IL1RAPL1: variants seen among roughly 807,000 people sequenced by gnomAD.
The protein encoded by IL1RAPL1 is interleukin 1 receptor accessory protein like 1.
A neutral mutation model predicts 48.4 loss-of-function variants in IL1RAPL1; 3 were observed. That is an observed-to-expected ratio of 0.06 (90% CI 0.03 to 0.16). The LOEUF is 0.16. Among genes scored for constraint, IL1RAPL1 ranks in the 10% least tolerant of loss-of-function variants. IL1RAPL1 has a pLI of 1.00. For missense variants in IL1RAPL1, 349 were observed against 530.6 expected (o/e 0.66, Z 3.36); for synonymous variants, 185 against 187.7 (o/e 0.99, Z 0.12).
chrX:29,693,236 C>T (rs924769100), intron 6 of IL1RAPL1, among the ~76,000 whole-genome samples: 2 of 112,264 alleles, frequency 1.8e-5, no homozygotes, highest in African/African-American at 6.5e-5. Flanking sequence ...ATTCACTGAG[C>T]CCTTCTGGAG....
At chrX:28,660,498 G>A (rs1601850244) in intron 1 of IL1RAPL1, among the ~76,000 whole-genome samples, 1 of 111,549 alleles carries the variant, frequency 9.0e-6, no homozygotes, top group East Asian at 2.8e-4. Flanking sequence ...TGAATTATTA[G>A]ATATAGGATA....
At chrX:29,003,906 C>G (rs1045115279) in intron 2 of IL1RAPL1, among the ~76,000 whole-genome samples, 1 of 112,051 alleles carries the variant, frequency 8.9e-6, no homozygotes, top group Non-Finnish European at 1.9e-5. Context: ...CTTTGGGCAG[C>G]CAAGGCAGCT....
chrX:29,546,603 G>A (rs1049106204), intron 5 of IL1RAPL1, among the ~76,000 whole-genome samples: 2 of 111,408 alleles, frequency 1.8e-5, no homozygotes, highest in African/African-American at 6.5e-5. Context: ...AATTCTTCCT[G>A]TCATTTTTCC....
rs865929725 is a variant in IL1RAPL1, at chrX:29,484,021, A to C, written c.703+84713A>C. Among the ~76,000 whole-genome samples the C allele has an allele frequency of 4.1e-3, 444 of 109,513 alleles. 3 individuals carry two copies. The highest frequency in any genetic ancestry group is 0.014 in the African/African-American group (415 of 30,053). On this transcript the variant is annotated intron_variant, in intron 5 of 10. Coordinates refer to ENST00000378993, the MANE Select transcript of IL1RAPL1 (RefSeq NM_014271.4). The stretch of plus-strand genomic sequence containing the variant: ...TAGTCCATTAAAAAAAAAAAAAAAA[A>C]AAAACTCATTGAGCACCTACTTTGT...
At chrX:29,106,653 C>T (rs1261387252) in intron 2 of IL1RAPL1, among the ~76,000 whole-genome samples, 1 of 110,934 alleles carries the variant, frequency 9.0e-6, no homozygotes, top group African/African-American at 3.3e-5. Flanking sequence ...ATGTATGTGG[C>T]ATGATGTTGT....
intron 1 of IL1RAPL1, among the ~76,000 whole-genome samples, chrX:28,600,859 T>A (rs1290062553): frequency 8.9e-6 from 1 of 112,080 alleles, no homozygotes; most frequent in Non-Finnish European, 1.9e-5. Flanking sequence ...CACTATTCAC[T>A]TTTATATTAT....
At chrX:29,574,433 A>G (rs1029151660) in intron 5 of IL1RAPL1, 1 of 109,837 alleles carries the variant, frequency 9.1e-6, no homozygotes, top group African/African-American at 3.3e-5. Context: ...ATGGCAAAAT[A>G]CAAGTATCCC....
intron 3 of IL1RAPL1, among the ~76,000 whole-genome samples, chrX:29,332,939 T>C (rs1276925875): frequency 1.9e-4 from 21 of 110,159 alleles, no homozygotes; most frequent in African/African-American, 6.5e-4. Flanking sequence ...ACACAGCACA[T>C]GTTTCAGAGA....
chrX:29,707,979 C>T (rs1927245414), intron 6 of IL1RAPL1, among the ~76,000 whole-genome samples: 1 of 108,799 alleles, frequency 9.2e-6, no homozygotes, highest in East Asian at 3.0e-4. Context: ...AAATATATAA[C>T]AGGAAAAAAA....
chrX:29,612,591 A>G (rs1318889866), intron 5 of IL1RAPL1, among the ~76,000 whole-genome samples: 3 of 111,388 alleles, frequency 2.7e-5, no homozygotes, highest in South Asian at 7.5e-4. Context: ...AACTAGTACA[A>G]GGATCCTAGA....
chrX:28,693,304 C>G (rs1307135200), intron 1 of IL1RAPL1, among the ~76,000 whole-genome samples: 1 of 112,042 alleles, frequency 8.9e-6, no homozygotes, highest in Non-Finnish European at 1.9e-5. Context: ...GATAGGAAAC[C>G]CTTTTCCAAA....
chrX:28,799,893 C>T (rs73630091), intron 2 of IL1RAPL1, among the ~76,000 whole-genome samples: 2,587 of 111,254 alleles, frequency 0.023, 59 homozygotes, highest in African/African-American at 0.079. Flanking sequence ...GAAGTCAATT[C>T]GGAACATACA....
intron 3 of IL1RAPL1, among the ~76,000 whole-genome samples, chrX:29,389,050 A>C (rs1434732482): frequency 9.0e-6 from 1 of 111,400 alleles, no homozygotes; most frequent in Non-Finnish European, 1.9e-5. Flanking sequence ...GAGGATAAAT[A>C]CTGTAATTAA....
At chrX:28,975,153 T>C (rs1925173559) in intron 2 of IL1RAPL1, among the ~76,000 whole-genome samples, 1 of 112,228 alleles carries the variant, frequency 8.9e-6, no homozygotes, top group African/African-American at 3.2e-5. Flanking sequence ...GTTCTTTTTT[T>C]CAGAATCACC....
chrX:29,562,110 T>TA (rs1374322511), intron 5 of IL1RAPL1, among the ~76,000 whole-genome samples: 309 of 61,643 alleles, frequency 5.0e-3, no homozygotes, highest in Middle Eastern at 0.017. Flanking sequence ...TCTATCTATC[T>TA]ATCTAATCTA....
intron 8 of IL1RAPL1, among the ~76,000 whole-genome samples, chrX:29,936,868 T>C (rs983990298): frequency 8.9e-6 from 1 of 111,898 alleles, no homozygotes; most frequent in Non-Finnish European, 1.9e-5. Flanking sequence ...ACTGTCTTGA[T>C]AAGAAAAAAT....
At chrX:29,309,026 CA>C (rs1156637012) in intron 3 of IL1RAPL1, among the ~76,000 whole-genome samples, 1 of 112,335 alleles carries the variant, frequency 8.9e-6, no homozygotes, top group African/African-American at 3.2e-5. Context: ...AGCACAGCTG[CA>C]GGGATTATCA....
At chrX:28,894,808 T>A (rs1011271123) in intron 2 of IL1RAPL1, among the ~76,000 whole-genome samples, 1 of 111,341 alleles carries the variant, frequency 9.0e-6, no homozygotes, top group Non-Finnish European at 1.9e-5. Flanking sequence ...CTGACCGCAC[T>A]AACCATGCCT....
chrX:29,505,251 T>C (rs1414376364), intron 5 of IL1RAPL1, among the ~76,000 whole-genome samples: 1 of 112,082 alleles, frequency 8.9e-6, no homozygotes, highest in Admixed American at 9.5e-5. Context: ...ATTTGTCTTT[T>C]GGGCTTCATA....
Sources: allele counts gnomAD v4.1 joint callset (sites outside exome capture counted in the v4.1 genomes callset), GRCh38; gene constraint gnomAD v4.1.1; transcripts MANE v1.5; gene names NCBI Gene and HGNC (gene_info 2026-07-23, HGNC 2026-07-21).